The following PCDH11X variants were observed in gnomAD, a reference collection of about 807,000 sequenced individuals.
The protein encoded by PCDH11X is protocadherin 11 X-linked, also known as protocadherin-11 X-linked.
Under a neutral mutation model 53.3 loss-of-function variants are expected in PCDH11X, and 18 were observed. That is an observed-to-expected ratio of 0.34 (90% CI 0.23 to 0.50). The LOEUF (loss-of-function observed/expected upper bound fraction) is 0.50, where lower values mean the gene tolerates loss of function less well. Among genes scored for constraint, PCDH11X ranks in the 20% least tolerant of loss-of-function variants. The pLI is 0.98. For synonymous variants in PCDH11X, 279 were observed against 393.3 expected (o/e 0.71, Z 3.44); for missense variants, 570 against 1,032.4 (o/e 0.55, Z 6.14).
intron 6 of PCDH11X, among the ~76,000 whole-genome samples, chrX:91,922,336 G>A (rs1941774233): frequency 9.0e-6 from 1 of 111,494 alleles, no homozygotes; most frequent in African/African-American, 3.3e-5. Context: ...TTAGTAAGTG[G>A]TAAAGCTGGG....
chrX:92,191,039 C>T (rs1370053674), intron 6 of PCDH11X, among the ~76,000 whole-genome samples: 3 of 111,903 alleles, frequency 2.7e-5, no homozygotes, highest in Non-Finnish European at 5.6e-5. Flanking sequence ...TAAGTTAATG[C>T]TAATTTTAAA....
intron 5 of PCDH11X, among the ~76,000 whole-genome samples, chrX:91,841,269 T>C (rs752797331): frequency 1.2e-4 from 13 of 111,953 alleles, no homozygotes; most frequent in Admixed American, 1.1e-3. Context: ...TTAGTGTTCA[T>C]CGTCCACTAA....
chrX:91,922,599 A>G (rs1437207241), intron 6 of PCDH11X, among the ~76,000 whole-genome samples: 2 of 112,191 alleles, frequency 1.8e-5, no homozygotes, highest in African/African-American at 3.2e-5. Flanking sequence ...CAGATCAGTG[A>G]TGGTATTAGA....
At chrX:92,206,006 T>C (rs769075287) in intron 7 of PCDH11X, among the ~76,000 whole-genome samples, 1 of 112,367 alleles carries the variant, frequency 8.9e-6, no homozygotes, top group African/African-American at 3.2e-5. Flanking sequence ...ACCAATTCTT[T>C]TGTCTGTTAA....
intron 8 of PCDH11X, among the ~76,000 whole-genome samples, chrX:92,265,693 T>C (rs1853206408): frequency 9.0e-6 from 1 of 110,901 alleles, no homozygotes; most frequent in South Asian, 3.8e-4. Flanking sequence ...AGATGAGGAA[T>C]GGTGATACAT....
chrX:92,290,805 A>G (rs1258389724), intron 8 of PCDH11X, among the ~76,000 whole-genome samples: 1 of 104,353 alleles, frequency 9.6e-6, no homozygotes, highest in Non-Finnish European at 2.0e-5. Flanking sequence ...TATTTCTTTT[A>G]AGTAACAAGA....
At chrX:92,177,099 C>T (rs2065922312) in intron 6 of PCDH11X, among the ~76,000 whole-genome samples, 1 of 108,462 alleles carries the variant, frequency 9.2e-6, no homozygotes. Context: ...CCTCAACCTC[C>T]CAAGTAGGTG....
chrX:91,795,103 T>C (rs959678286), intron 1 of PCDH11X, among the ~76,000 whole-genome samples: 16 of 111,388 alleles, frequency 1.4e-4, no homozygotes, highest in African/African-American at 5.2e-4. Context: ...CTTGGGTATA[T>C]CTTTATCAGC....
intron 10 of PCDH11X, among the ~76,000 whole-genome samples, chrX:92,469,801 G>A (rs772226553): frequency 9.0e-6 from 1 of 110,733 alleles, no homozygotes; most frequent in East Asian, 2.8e-4. Context: ...ATTTTGGTTA[G>A]TATAGCTCTG....
chrX:91,817,919 C>T (rs1936505656), intron 4 of PCDH11X, among the ~76,000 whole-genome samples: 4 of 111,359 alleles, frequency 3.6e-5, no homozygotes, highest in African/African-American at 9.8e-5. Flanking sequence ...AATTAATGTA[C>T]CCTGTGATCG....
In PCDH11X at chrX:92,366,553, T is replaced by A. The variant is rs182099701; in HGVS notation, c.3145-21182T>A. Among the ~76,000 whole-genome samples, 221 of 89,940 alleles carry A rather than the reference T, an allele frequency of 2.5e-3. 6 individuals are homozygous for A. The East Asian group carries it at 0.052, about 21-fold the overall frequency. The allele number at this position is 89,940 out of a possible 115,157, so 78.1% of individuals were successfully genotyped here. A position where few individuals can be genotyped will look rare whatever the true frequency, so the allele number is the denominator to read the frequency against. On this transcript the variant is annotated intron_variant, in intron 8 of 10. Coordinates refer to ENST00000682573, the MANE Select transcript of PCDH11X (RefSeq NM_032968.5). ...TGCTAGCTTTTGAATTTGTTTGCTC[T>A]GGTTCTCTAGTTCTTTTAATTCTGA...
At chrX:92,451,145 A>C (rs1204649649) in intron 9 of PCDH11X, among the ~76,000 whole-genome samples, 1 of 110,397 alleles carries the variant, frequency 9.1e-6, no homozygotes, top group Non-Finnish European at 1.9e-5. Context: ...CTAATATCTC[A>C]AGAAGTTTGT....
intron 10 of PCDH11X, among the ~76,000 whole-genome samples, chrX:92,591,624 G>A (rs1375853771): frequency 9.0e-6 from 1 of 111,390 alleles, no homozygotes; most frequent in Admixed American, 9.6e-5. Flanking sequence ...GTCCTTGAGA[G>A]CATGACTTTA....
At chrX:92,508,620 A>T (rs2074110033) in intron 10 of PCDH11X, among the ~76,000 whole-genome samples, 1 of 110,755 alleles carries the variant, frequency 9.0e-6, no homozygotes, top group Non-Finnish European at 1.9e-5. Context: ...AGACTTAAAT[A>T]AACCCATTAT....
chrX:92,062,976 A>G (rs184189388), intron 6 of PCDH11X, among the ~76,000 whole-genome samples: 7 of 111,720 alleles, frequency 6.3e-5, no homozygotes, highest in Non-Finnish European at 1.1e-4. Context: ...ACTGAATAAA[A>G]TGTGGCACAT....
chrX:92,534,703 C>T (rs982865298), intron 10 of PCDH11X, among the ~76,000 whole-genome samples: 5 of 111,645 alleles, frequency 4.5e-5, no homozygotes, highest in African/African-American at 1.3e-4. Context: ...AACAGCAGAT[C>T]TCTCAGCAGA....
chrX:92,579,722 A>G (rs1923421009), intron 10 of PCDH11X, among the ~76,000 whole-genome samples: 1 of 111,367 alleles, frequency 9.0e-6, no homozygotes, highest in South Asian at 3.8e-4. Flanking sequence ...ATTATTACCT[A>G]CCTTCTGAAA....
At chrX:92,003,595 G>A (rs1260504536) in intron 6 of PCDH11X, among the ~76,000 whole-genome samples, 1 of 90,847 alleles carries the variant, frequency 1.1e-5, no homozygotes, top group Non-Finnish European at 2.2e-5. Context: ...TTCAGATTTT[G>A]GATTTCTTCT....
At chrX:92,477,996 AAGG>A (rs1473618031) in intron 10 of PCDH11X, among the ~76,000 whole-genome samples, 2 of 108,943 alleles carry the variant, frequency 1.8e-5, no homozygotes, top group African/African-American at 6.7e-5. Flanking sequence ...GTGTCAAGGG[AAGG>A]AGGTGATTGG....
Sources: gnomAD v4.1 joint callset for allele counts (sites outside exome capture counted in the v4.1 genomes callset) on GRCh38, gnomAD v4.1.1 for gene constraint, MANE v1.5 for transcripts, NCBI Gene and HGNC (gene_info 2026-07-23, HGNC 2026-07-21) for gene names.